Variants in TSHZ2 observed in about 807,000 individuals in gnomAD.
TSHZ2 encodes teashirt homolog 2.
TSHZ2 carries 21 observed loss-of-function variants against 74.4 expected under a neutral mutation model. The observed-to-expected ratio is 0.28, with a 90% CI of 0.20 to 0.41. TSHZ2 has a LOEUF of 0.41. TSHZ2 is among the 10% of genes least tolerant of loss of function. The pLI, the probability that TSHZ2 is intolerant of heterozygous loss-of-function variation, is 1.00. For synonymous variants in TSHZ2, 540 were observed against 515.3 expected (o/e 1.05, Z -0.65); for missense variants, 1,244 against 1,293.5 (o/e 0.96, Z 0.59).
intron 2 of TSHZ2, among the ~76,000 whole-genome samples, chr20:53,309,751 T>C (rs1978699048): frequency 6.6e-6 from 1 of 152,222 alleles, no homozygotes; most frequent in Non-Finnish European, 1.5e-5. Flanking sequence ...TCAGTGCATC[T>C]AACCTTCCTG....
At chr20:52,995,193 T>C (rs1671572376) in intron 1 of TSHZ2, among the ~76,000 whole-genome samples, 1 of 152,204 alleles carries the variant, frequency 6.6e-6, no homozygotes, top group Non-Finnish European at 1.5e-5. Context: ...CAGCTACAGA[T>C]ACAGAGACCC....
At chr20:53,266,327 A>G (rs1308032894) in intron 2 of TSHZ2, among the ~76,000 whole-genome samples, 1 of 152,212 alleles carries the variant, frequency 6.6e-6, no homozygotes, top group Non-Finnish European at 1.5e-5. Flanking sequence ...AAGAAGTTCA[A>G]TTTGAAAGTA....
intron 2 of TSHZ2, among the ~76,000 whole-genome samples, chr20:53,333,699 A>G (rs1253279275): frequency 1.3e-5 from 2 of 151,982 alleles, no homozygotes; most frequent in Non-Finnish European, 2.9e-5. Context: ...CTCATGATCC[A>G]CCCGCCTTGG....
intron 1 of TSHZ2, among the ~76,000 whole-genome samples, chr20:52,985,860 T>C (rs987007293): frequency 3.3e-5 from 5 of 152,294 alleles, no homozygotes; most frequent in Non-Finnish European, 5.9e-5. Flanking sequence ...AGCCCAACCT[T>C]GAACATTATT....
chr20:53,205,951 T>C (rs1989157974), intron 1 of TSHZ2, among the ~76,000 whole-genome samples: 1 of 152,184 alleles, frequency 6.6e-6, no homozygotes, highest in Non-Finnish European at 1.5e-5. Flanking sequence ...CCGGGCACGG[T>C]GGCTCACACC....
chr20:53,007,801 A>G (rs1250704548), intron 1 of TSHZ2, among the ~76,000 whole-genome samples: 1 of 151,908 alleles, frequency 6.6e-6, no homozygotes, highest in East Asian at 1.9e-4. Context: ...GTATTTGCAG[A>G]GTGATGTGAG....
chr20:53,114,600 G>C (rs1986620380), intron 1 of TSHZ2, among the ~76,000 whole-genome samples: 1 of 151,978 alleles, frequency 6.6e-6, no homozygotes, highest in African/African-American at 2.4e-5. Flanking sequence ...GTGTAAAATG[G>C]GCTTCTCAGT....
intron 1 of TSHZ2, among the ~76,000 whole-genome samples, chr20:53,222,421 G>C (rs973311211): frequency 2.0e-5 from 3 of 152,194 alleles, no homozygotes; most frequent in South Asian, 2.1e-4. Context: ...AATCGACAAA[G>C]ATTTATGAAT....
intron 1 of TSHZ2, among the ~76,000 whole-genome samples, chr20:53,071,217 C>T (rs1229301785): frequency 6.6e-6 from 1 of 152,194 alleles, no homozygotes; most frequent in South Asian, 2.1e-4. Context: ...TCACTGTCAG[C>T]TTTCTCCCCT....
At chr20:53,019,715 T>G (rs532271259) in intron 1 of TSHZ2, among the ~76,000 whole-genome samples, 2 of 152,308 alleles carry the variant, frequency 1.3e-5, no homozygotes, top group South Asian at 2.1e-4. Context: ...GCCTCCGTTC[T>G]TGTTTGTAAA....
At chr20:53,183,921 C>T (rs566502422) in intron 1 of TSHZ2, among the ~76,000 whole-genome samples, 2 of 152,282 alleles carry the variant, frequency 1.3e-5, no homozygotes, top group African/African-American at 4.8e-5. Flanking sequence ...GTGGGTGGCT[C>T]CAGTCTCCCC....
At chr20:53,304,487 A>G (rs566114115) in intron 2 of TSHZ2, among the ~76,000 whole-genome samples, 49 of 152,104 alleles carry the variant, frequency 3.2e-4, no homozygotes, top group African/African-American at 1.2e-3. Context: ...AAAAAGCAAA[A>G]CAAACGAACA....
At chr20:52,992,090 A>G (rs1982017429) in intron 1 of TSHZ2, among the ~76,000 whole-genome samples, 1 of 152,168 alleles carries the variant, frequency 6.6e-6, no homozygotes. Context: ...AATGTATAAG[A>G]GACAGATAGT....
chr20:53,220,623 T>C (rs140125932), intron 1 of TSHZ2, among the ~76,000 whole-genome samples: 1,599 of 152,310 alleles, frequency 0.01, 37 homozygotes, highest in African/African-American at 0.036. Context: ...TTGTACCAGA[T>C]GCCGTATGTA....
chr20:53,252,623 G>T (rs938973088), intron 1 of TSHZ2, among the ~76,000 whole-genome samples: 37 of 152,182 alleles, frequency 2.4e-4, no homozygotes, highest in African/African-American at 8.7e-4. Flanking sequence ...AGAAGGGAAA[G>T]CATGCATCCC....
intron 1 of TSHZ2, among the ~76,000 whole-genome samples, chr20:53,223,014 C>G (rs1989599773): frequency 6.6e-6 from 1 of 152,164 alleles, no homozygotes; most frequent in Non-Finnish European, 1.5e-5. Context: ...AAATTCCTTT[C>G]TTCATTCGAA....
At position 53,384,439 on chromosome 20, in the gene TSHZ2, T is replaced by G. The variant is rs538051819; in HGVS notation, c.*9-102705T>G. Among the ~76,000 whole-genome samples, 16 of 152,282 alleles carry G rather than the reference T, an allele frequency of 1.1e-4. No individual in the cohort carries two copies. In the East Asian group the frequency reaches 2.3e-3, roughly 22 times the overall value. On this transcript the variant is annotated intron_variant, in intron 2 of 2. Transcript: ENST00000371497. ...ACAGCAATCTTAATCATTTAATTGT[T>G]TGGTGGGGAGAGCATCATATAGTCT...
intron 1 of TSHZ2, among the ~76,000 whole-genome samples, chr20:53,141,904 C>T (rs370408919): frequency 1.3e-5 from 2 of 152,346 alleles, no homozygotes; most frequent in African/African-American, 4.8e-5. Context: ...TCGCCCTTCC[C>T]ACAACAGCCA....
intron 2 of TSHZ2, among the ~76,000 whole-genome samples, chr20:53,283,213 A>C (rs1430224289): frequency 6.6e-6 from 1 of 152,242 alleles, no homozygotes; most frequent in Non-Finnish European, 1.5e-5. Context: ...ATTATCATAC[A>C]GTTAGGAAGC....
Sources: gnomAD v4.1 joint callset for allele counts (sites outside exome capture counted in the v4.1 genomes callset) on GRCh38, gnomAD v4.1.1 for gene constraint, MANE v1.5 for transcripts, NCBI Gene and HGNC (gene_info 2026-07-23, HGNC 2026-07-21) for gene names.